FOXJ3: variants seen among roughly 807,000 people sequenced by gnomAD.
The protein encoded by FOXJ3 is forkhead box J3.
In FOXJ3, 22 loss-of-function variants were observed where a neutral mutation model predicts 76.1. The observed-to-expected ratio is 0.29, with a 90% CI of 0.21 to 0.41. The LOEUF is 0.41. Among genes scored for constraint, FOXJ3 ranks in the 10% least tolerant of loss-of-function variants. The pLI is 1.00. For missense variants in FOXJ3, 613 were observed against 762.1 expected (o/e 0.80, Z 2.30); for synonymous variants, 269 against 261.2 (o/e 1.03, Z -0.29).
chr1:42,311,241 A>T, intron 1 of FOXJ3, 131 bp from the exon 2 acceptor site: 1 of 609,778 alleles, frequency 1.6e-6, no homozygotes, highest in Non-Finnish European at 2.8e-6. Context: ...TACTAAAAGA[A>T]TCACCCCATC....
At chr1:42,264,567 A>T (rs924642736) in intron 4 of FOXJ3, among the ~76,000 whole-genome samples, 1 of 152,114 alleles carries the variant, frequency 6.6e-6, no homozygotes. Context: ...TCAGAGACCA[A>T]GCAACTAGGA....
At chr1:42,242,022 A>C (rs548890069) in intron 4 of FOXJ3, among the ~76,000 whole-genome samples, 1 of 152,302 alleles carries the variant, frequency 6.6e-6, no homozygotes, top group African/African-American at 2.4e-5. Flanking sequence ...TTTACAACTG[A>C]AGAAATCATA....
intron 2 of FOXJ3, among the ~76,000 whole-genome samples, chr1:42,285,986 AT>A (rs1353779788): frequency 6.6e-6 from 1 of 152,146 alleles, no homozygotes; most frequent in Non-Finnish European, 1.5e-5. Context: ...GAGATCTTAT[AT>A]TTTCCGATAT....
At chr1:42,292,307 A>G (rs1036863369) in intron 2 of FOXJ3, among the ~76,000 whole-genome samples, 1 of 152,240 alleles carries the variant, frequency 6.6e-6, no homozygotes, top group Non-Finnish European at 1.5e-5. Context: ...TTAAAAAGGC[A>G]TAACTGCTTT....
At chr1:42,196,369 G>T (rs922744754) in intron 7 of FOXJ3, among the ~76,000 whole-genome samples, 1 of 152,134 alleles carries the variant, frequency 6.6e-6, no homozygotes, top group Non-Finnish European at 1.5e-5. Flanking sequence ...CTTAGGGACC[G>T]CTCGACCATT....
At chr1:42,324,161 G>GTA (rs1214716504) in intron 1 of FOXJ3, among the ~76,000 whole-genome samples, 1 of 132,662 alleles carries the variant, frequency 7.5e-6, no homozygotes, top group Admixed American at 7.8e-5. Flanking sequence ...TATACACTGT[G>GTA]TATATATAGT....
chr1:42,226,550 G>A (rs1281241760), intron 5 of FOXJ3, among the ~76,000 whole-genome samples: 1 of 152,082 alleles, frequency 6.6e-6, no homozygotes, highest in African/African-American at 2.4e-5. Context: ...TGGGGTTGCA[G>A]TGAGCTGAGA....
At chr1:42,325,630 T>C (rs1655788368) in intron 1 of FOXJ3, among the ~76,000 whole-genome samples, 1 of 152,112 alleles carries the variant, frequency 6.6e-6, no homozygotes, top group Non-Finnish European at 1.5e-5. Flanking sequence ...AACAATTTGG[T>C]TTTTTATTAG....
intron 5 of FOXJ3, among the ~76,000 whole-genome samples, chr1:42,217,509 C>T (rs1042741419): frequency 4.0e-5 from 6 of 151,282 alleles, no homozygotes; most frequent in Admixed American, 1.3e-4. Context: ...AGCCTGGCGA[C>T]AGGGCAAGAC....
intron 3 of FOXJ3, among the ~76,000 whole-genome samples, chr1:42,268,714 G>A (rs1236815013): frequency 6.6e-6 from 1 of 152,142 alleles, no homozygotes; most frequent in African/African-American, 2.4e-5. Context: ...ACATGAAATG[G>A]TTTAATACTA....
chr1:42,289,198 T>C (rs2124700128), intron 2 of FOXJ3, among the ~76,000 whole-genome samples: 1 of 151,338 alleles, frequency 6.6e-6, no homozygotes, highest in South Asian at 2.1e-4. Context: ...ATATACAATA[T>C]TTATATATGA....
At chr1:42,327,717 T>C (rs1655919903) in intron 1 of FOXJ3, among the ~76,000 whole-genome samples, 2 of 152,128 alleles carry the variant, frequency 1.3e-5, no homozygotes, top group East Asian at 1.9e-4. Flanking sequence ...GATTCCAATT[T>C]ACAAGGTTTT....
intron 5 of FOXJ3, among the ~76,000 whole-genome samples, chr1:42,226,561 T>C (rs168231): frequency 0.7 from 106,418 of 151,918 alleles, 38,003 homozygotes; most frequent in Admixed American, 0.8. Flanking sequence ...TGAGCTGAGA[T>C]CATGCCATTG....
intron 3 of FOXJ3, among the ~76,000 whole-genome samples, chr1:42,271,633 T>C (rs755794241): frequency 6.6e-6 from 1 of 152,116 alleles, no homozygotes; most frequent in Non-Finnish European, 1.5e-5. Context: ...TCAAAGTGAA[T>C]ACCATGAAAT....
chr1:42,262,180 G>A (rs1651091535), intron 4 of FOXJ3, among the ~76,000 whole-genome samples: 1 of 152,190 alleles, frequency 6.6e-6, no homozygotes, highest in African/African-American at 2.4e-5. Context: ...ACAACTAATG[G>A]ATGAAGAGAC....
At chr1:42,194,147 T>A (rs2124222519) in intron 8 of FOXJ3, among the ~76,000 whole-genome samples, 1 of 152,198 alleles carries the variant, frequency 6.6e-6, no homozygotes, top group African/African-American at 2.4e-5. Context: ...AAACATGGGG[T>A]GTAAATAGTT....
chr1:42,288,671 T>A (rs937850397), intron 2 of FOXJ3, among the ~76,000 whole-genome samples: 1 of 152,228 alleles, frequency 6.6e-6, no homozygotes, highest in Non-Finnish European at 1.5e-5. Flanking sequence ...GAGTCAAAAC[T>A]ATTTTCATAA....
intron 2 of FOXJ3, among the ~76,000 whole-genome samples, chr1:42,298,977 CT>C (rs2124726479): frequency 6.6e-6 from 1 of 152,244 alleles, no homozygotes; most frequent in East Asian, 1.9e-4. Context: ...TATTTGATTT[CT>C]AATTTTATTC....
At chr1:42,328,526 C>T (rs989232854) in intron 1 of FOXJ3, among the ~76,000 whole-genome samples, 1 of 152,048 alleles carries the variant, frequency 6.6e-6, no homozygotes, top group Admixed American at 6.6e-5. Flanking sequence ...ACATCAAAAT[C>T]AAATCACTTT....
Sources: gnomAD v4.1 joint callset for allele counts (sites outside exome capture counted in the v4.1 genomes callset) on GRCh38, gnomAD v4.1.1 for gene constraint, MANE v1.5 for transcripts, NCBI Gene and HGNC (gene_info 2026-07-23, HGNC 2026-07-21) for gene names.